MYO1B: variants seen among roughly 807,000 people sequenced by gnomAD.
MYO1B encodes unconventional myosin-Ib.
MYO1B carries 72 observed loss-of-function variants against 159.7 expected under a neutral mutation model. The ratio of observed to expected loss-of-function variants is 0.45; its 90% CI spans 0.37 to 0.55. MYO1B has a LOEUF of 0.55. Among genes scored for constraint, MYO1B ranks in the 20% least tolerant of loss-of-function variants. The pLI is 0.00. For synonymous variants in MYO1B, 468 were observed against 473.8 expected (o/e 0.99, Z 0.16); for missense variants, 1,062 against 1,364.8 (o/e 0.78, Z 3.50).
At chr2:191,390,529 T>C in intron 18 of MYO1B, 37 bp downstream of exon 18, 2 of 1,582,892 alleles carry the variant, frequency 1.3e-6, no homozygotes, top group Non-Finnish European at 1.7e-6. Context: ...TAATGAATGT[T>C]TTAAGTGGTC....
At chr2:191,396,360 T>C (rs1481781122) in intron 20 of MYO1B, 69 bp from the exon 21 acceptor site, 1 of 1,530,750 alleles carries the variant, frequency 6.5e-7, no homozygotes, top group Non-Finnish European at 9.0e-7. Flanking sequence ...GCAAATACCC[T>C]TTCTCAATCC....
intron 4 of MYO1B, among the ~76,000 whole-genome samples, chr2:191,333,284 C>G (rs1691609679): frequency 6.6e-6 from 1 of 152,128 alleles, no homozygotes; most frequent in Non-Finnish European, 1.5e-5. Flanking sequence ...TACTGCCTGT[C>G]TGACATCTCT....
chr2:191,280,175 G>C (rs570725812), intron 2 of MYO1B, among the ~76,000 whole-genome samples: 2 of 152,216 alleles, frequency 1.3e-5, no homozygotes, highest in Admixed American at 1.3e-4. Context: ...TGGATCTGTA[G>C]CAGCTGACGC....
intron 1 of MYO1B, among the ~76,000 whole-genome samples, chr2:191,259,061 T>C (rs576704163): frequency 6.6e-6 from 1 of 152,356 alleles, no homozygotes; most frequent in South Asian, 2.1e-4. Flanking sequence ...ACTCTGTGAT[T>C]TAGCTTCCAG....
intron 2 of MYO1B, among the ~76,000 whole-genome samples, chr2:191,284,188 G>A (rs111304601): frequency 0.014 from 2,190 of 152,250 alleles, 52 homozygotes; most frequent in African/African-American, 0.05. Context: ...GAAGCAGTTC[G>A]GCACAGGGGA....
rs767533459 is a variant in MYO1B at position 191,283,403 on chromosome 2, G to A, written c.135+6373G>A. Among the ~76,000 whole-genome samples, 7 of 152,298 alleles carry A rather than the reference G, an allele frequency of 4.6e-5. No homozygotes were observed. In the South Asian group the frequency reaches 6.2e-4, roughly 14 times the overall value. On this transcript the variant is annotated intron_variant, in intron 2 of 30. Transcript: ENST00000392318. ...TAGCACTAAGAAGCAAAAACTTGAC[G>A]TCTAGTCCTGGCCCTGCCACTTAGT...
In MYO1B at chr2:191,364,225, A is replaced by G; in HGVS notation, c.981A>G (p.Arg327=). 6.2e-7 allele frequency: 1 copy of G among 1,613,982 alleles called. No individual in the cohort carries two copies. The highest frequency in any genetic ancestry group is 8.5e-7 in the Non-Finnish European group (1 of 1,179,864). ...TTCTAGAACGAGCATTCAGTTTCCG[A>G]ACAGTTGAGGCCAAACAGGAGAAAG... ...QSVLERAFSF[R]TVEAKQEKVS... Residue 327 remains arginine (R), a synonymous_variant, in exon 11 of 31, where the codon CGA becomes CGG. Coordinates refer to ENST00000392318, the MANE Select transcript of MYO1B (RefSeq NM_001130158.3).
At chr2:191,372,879 C>CTTTTTTTTTTTTTTTT (rs34444520) in intron 13 of MYO1B, among the ~76,000 whole-genome samples, 3 of 70,104 alleles carry the variant, frequency 4.3e-5, no homozygotes, top group East Asian at 4.9e-4. Flanking sequence ...GTTATATTTC[C>CTTTTTTTTTTTTTTTT]TTTTTTTTTT....
chr2:191,345,831 A>G (rs1297992948), intron 5 of MYO1B, among the ~76,000 whole-genome samples: 11 of 152,252 alleles, frequency 7.2e-5, no homozygotes, highest in Admixed American at 6.5e-4. Context: ...GGAAACTTCA[A>G]GTTCCATAAA....
intron 8 of MYO1B, among the ~76,000 whole-genome samples, chr2:191,361,432 TCTAATAG>T (rs1371864056): frequency 6.6e-6 from 1 of 152,042 alleles, no homozygotes; most frequent in Admixed American, 6.5e-5. Flanking sequence ...AAAGATACTA[TCTAATAG>T]CTAATAGCTA....
chr2:191,420,938 A>T (rs2126197181), intron 30 of MYO1B, among the ~76,000 whole-genome samples: 1 of 152,322 alleles, frequency 6.6e-6, no homozygotes, highest in Non-Finnish European at 1.5e-5. Flanking sequence ...CTATGAGGTG[A>T]AGATAAATAA....
At chr2:191,392,270 T>G (rs1207904602) in intron 19 of MYO1B, 69 bp downstream of exon 19, 1 of 1,198,156 alleles carries the variant, frequency 8.3e-7, no homozygotes, top group Non-Finnish European at 1.2e-6. Flanking sequence ...TAAAATATGT[T>G]TAACTTTATA....
chr2:191,414,203 C>T (rs756840833), intron 28 of MYO1B, 23 bp downstream of exon 28: 2 of 1,601,352 alleles, frequency 1.2e-6, no homozygotes, highest in Middle Eastern at 3.3e-4. Flanking sequence ...ACCTTGAAGA[C>T]TGATAAGAAG....
chr2:191,386,109 G>C, intron 16 of MYO1B, 25 bp downstream of exon 16: 2 of 1,610,170 alleles, frequency 1.2e-6, no homozygotes. Flanking sequence ...TGAGCACCCA[G>C]TCAGGCCTGC....
chr2:191,337,094 C>T (rs1691906244), intron 4 of MYO1B, among the ~76,000 whole-genome samples: 1 of 152,136 alleles, frequency 6.6e-6, no homozygotes, highest in African/African-American at 2.4e-5. Flanking sequence ...CCTTTTTTCC[C>T]CCAATGCAGT....
rs368638078 is a variant in MYO1B at position 191,248,861 on chromosome 2, A to G, written c.-10+3235A>G. Among the ~76,000 whole-genome samples the G allele has an allele frequency of 4.5e-4, 68 of 152,304 alleles. No homozygotes were observed. In the Middle Eastern group the frequency reaches 0.024, roughly 53 times the overall value. ...GTTGGTTAGCCCCTGGCAGATGTCA[A>G]ATTACTTTCACGTCTATTATTGTAG... is the stretch of plus-strand genomic sequence containing the variant. On this transcript the variant is annotated intron_variant, in intron 1 of 30. Transcript: ENST00000392318.
At chr2:191,420,778 A>G (rs571901992) in intron 30 of MYO1B, among the ~76,000 whole-genome samples, 1 of 152,356 alleles carries the variant, frequency 6.6e-6, no homozygotes, top group South Asian at 2.1e-4. Flanking sequence ...AGATACACAT[A>G]TATCATTTAA....
At chr2:191,357,413 C>A (rs1693372357) in intron 7 of MYO1B, among the ~76,000 whole-genome samples, 1 of 152,198 alleles carries the variant, frequency 6.6e-6, no homozygotes, top group Non-Finnish European at 1.5e-5. Flanking sequence ...TTCATTGTTT[C>A]TTTGTCCCTG....
chr2:191,382,295 C>T (rs1418658984), intron 14 of MYO1B, among the ~76,000 whole-genome samples: 1 of 152,042 alleles, frequency 6.6e-6, no homozygotes, highest in Non-Finnish European at 1.5e-5. Context: ...CCATTAAGGA[C>T]ACTGAATTCT....
Sources: gnomAD v4.1 joint callset for allele counts (sites outside exome capture counted in the v4.1 genomes callset) on GRCh38, gnomAD v4.1.1 for gene constraint, MANE v1.5 for transcripts, NCBI Gene and HGNC (gene_info 2026-07-23, HGNC 2026-07-21) for gene names.